The following TMEM117 variants were observed in gnomAD, a reference collection of about 807,000 sequenced individuals.
The protein encoded by TMEM117 is transmembrane protein 117.
TMEM117 carries 27 observed loss-of-function variants against 52.4 expected under a neutral mutation model. The ratio of observed to expected loss-of-function variants is 0.51; its 90% CI spans 0.38 to 0.71. The LOEUF is 0.71. Among genes scored for constraint, TMEM117 ranks in the 30% least tolerant of loss-of-function variants. The probability of loss-of-function intolerance (pLI) is 0.00; values close to 1 mark genes in which losing one functional copy is unlikely to be tolerated. For missense variants in TMEM117, 556 were observed against 630.5 expected (o/e 0.88, Z 1.26); for synonymous variants, 215 against 206.3 (o/e 1.04, Z -0.36).
intron 4 of TMEM117, among the ~76,000 whole-genome samples, chr12:44,194,670 A>G (rs1236027663): frequency 6.6e-6 from 1 of 152,030 alleles, no homozygotes; most frequent in Admixed American, 6.6e-5. Flanking sequence ...TACAAAAGAT[A>G]CAAATATTAT....
At chr12:44,190,795 G>A (rs1353358560) in intron 4 of TMEM117, among the ~76,000 whole-genome samples, 6 of 151,176 alleles carry the variant, frequency 4.0e-5, no homozygotes, top group African/African-American at 7.3e-5. Context: ...TTTTGTTACC[G>A]AAGCATGAAT....
At chr12:43,956,500 CAAAAAAAAAAAAAA>C (rs57544750) in intron 3 of TMEM117, among the ~76,000 whole-genome samples, 1 of 83,546 alleles carries the variant, frequency 1.2e-5, no homozygotes, top group Non-Finnish European at 2.3e-5. Flanking sequence ...AGACACTTCT[CAAAAAAAAAAAAAA>C]AAAAAAAGAC....
intron 2 of TMEM117, among the ~76,000 whole-genome samples, chr12:43,881,123 T>TG (rs1565732573): frequency 6.6e-6 from 1 of 152,240 alleles, no homozygotes; most frequent in Non-Finnish European, 1.5e-5. Flanking sequence ...TATGGGAACT[T>TG]GCAATTTTTG....
chr12:44,211,118 CTATT>C (rs1949639896), intron 4 of TMEM117, among the ~76,000 whole-genome samples, 168 bp from the exon 5 acceptor site: 1 of 152,106 alleles, frequency 6.6e-6, no homozygotes. Context: ...GTCGAAGAAA[CTATT>C]AAAGTTTTTA....
At chr12:43,800,344 C>A in the TMEM117 span, 2 of 809,214 alleles carry the variant, frequency 2.5e-6, no homozygotes, top group South Asian at 1.8e-5. Context: ...TCAGATTATC[C>A]ATCTGAATTC....
intron 6 of TMEM117, among the ~76,000 whole-genome samples, chr12:44,353,587 G>A (rs1328411345): frequency 6.6e-6 from 1 of 152,078 alleles, no homozygotes; most frequent in Non-Finnish European, 1.5e-5. Flanking sequence ...TGTCAGGTTT[G>A]TCAAAGATCA....
intron 3 of TMEM117, among the ~76,000 whole-genome samples, chr12:44,041,560 A>G (rs1314983537): frequency 6.6e-6 from 1 of 152,050 alleles, no homozygotes; most frequent in Non-Finnish European, 1.5e-5. Context: ...TTTGGTATAC[A>G]CATTATTTCA....
chr12:44,251,761 T>G (rs2138513660), intron 5 of TMEM117, among the ~76,000 whole-genome samples: 1 of 152,328 alleles, frequency 6.6e-6, no homozygotes, highest in East Asian at 1.9e-4. Context: ...TAAAGTCATT[T>G]ATTTACCTCT....
At chr12:43,877,225 T>C (rs999291362) in intron 2 of TMEM117, among the ~76,000 whole-genome samples, 27 of 152,234 alleles carry the variant, frequency 1.8e-4, no homozygotes, top group Non-Finnish European at 7.3e-5. Flanking sequence ...TTTCACTTGG[T>C]ATATATTTCC....
intron 6 of TMEM117, among the ~76,000 whole-genome samples, chr12:44,334,586 A>G (rs1019970466): frequency 6.6e-5 from 10 of 151,994 alleles, no homozygotes; most frequent in Admixed American, 3.9e-4. Flanking sequence ...TTAGCTTAAG[A>G]GTCACCTCTT....
the TMEM117 span, among the ~76,000 whole-genome samples, chr12:43,816,899 G>T: frequency 2.0e-5 from 3 of 152,196 alleles, no homozygotes; most frequent in South Asian, 6.2e-4. Context: ...TTAACATTTC[G>T]CACAACCTGA....
intron 4 of TMEM117, among the ~76,000 whole-genome samples, chr12:44,146,512 A>G (rs1948644271): frequency 1.3e-5 from 2 of 152,142 alleles, no homozygotes; most frequent in Admixed American, 1.3e-4. Context: ...ACCTTTCCAC[A>G]TTAGACACAG....
intron 3 of TMEM117, among the ~76,000 whole-genome samples, chr12:44,028,653 A>T (rs967937448): frequency 6.6e-6 from 1 of 152,204 alleles, no homozygotes; most frequent in East Asian, 1.9e-4. Context: ...GTCTAAAAAG[A>T]GGAAGCATGA....
intron 6 of TMEM117, among the ~76,000 whole-genome samples, chr12:44,322,147 G>A (rs1951139145): frequency 6.6e-6 from 1 of 152,182 alleles, no homozygotes; most frequent in Admixed American, 6.6e-5. Flanking sequence ...CTATGTTAGA[G>A]ATATCTAACG....
At chr12:44,262,017 AG>A (rs1950326266) in intron 5 of TMEM117, among the ~76,000 whole-genome samples, 1 of 152,244 alleles carries the variant, frequency 6.6e-6, no homozygotes, top group African/African-American at 2.4e-5. Context: ...TGCTATTAAA[AG>A]GAAATCCATG....
chr12:44,174,926 C>A (rs528005854), intron 4 of TMEM117, among the ~76,000 whole-genome samples: 3 of 152,228 alleles, frequency 2.0e-5, no homozygotes, highest in Admixed American at 1.3e-4. Flanking sequence ...GGCACGGAGT[C>A]TCCTGGAGAA....
At chr12:44,287,901 C>T (rs999880402) in intron 5 of TMEM117, among the ~76,000 whole-genome samples, 3 of 152,176 alleles carry the variant, frequency 2.0e-5, no homozygotes, top group East Asian at 1.9e-4. Context: ...TAGTAGTAAA[C>T]ATTACATAAG....
chr12:44,394,280 T>C (rs1048276481), downstream of TMEM117, among the ~76,000 whole-genome samples: 10 of 152,178 alleles, frequency 6.6e-5, no homozygotes, highest in Non-Finnish European at 1.3e-4. Flanking sequence ...GAAGACTGTA[T>C]ATATGTGAAA....
At chr12:43,964,016 C>G (rs1179986948) in intron 3 of TMEM117, among the ~76,000 whole-genome samples, 1 of 152,126 alleles carries the variant, frequency 6.6e-6, no homozygotes, top group Admixed American at 6.5e-5. Context: ...GCCTCAGTAA[C>G]AAGCAAATCC....
Sources: allele counts gnomAD v4.1 joint callset (sites outside exome capture counted in the v4.1 genomes callset), GRCh38; gene constraint gnomAD v4.1.1; transcripts MANE v1.5; gene names NCBI Gene and HGNC (gene_info 2026-07-23, HGNC 2026-07-21).